CD36: variants seen among roughly 807,000 people sequenced by gnomAD.
CD36 encodes platelet glycoprotein 4.
In CD36, 119 loss-of-function variants were observed where a neutral mutation model predicts 55.2. The ratio of observed to expected loss-of-function variants is 2.15; its 90% CI spans 1.86 to 2.51. The LOEUF is 2.51. Among genes scored for constraint, CD36 ranks in the 30% most tolerant of loss-of-function variants. CD36 has a pLI of 0.00. For synonymous variants in CD36, 186 were observed against 193.6 expected, an observed-to-expected ratio of 0.96 and a Z score of 0.33; for missense variants, 819 against 555.5, an observed-to-expected ratio of 1.47 and a Z score of -4.77.
chr7:80,641,739 A>G (rs1356331575), intron 1 of CD36, among the ~76,000 whole-genome samples: 2 of 152,070 alleles, frequency 1.3e-5, no homozygotes, highest in Non-Finnish European at 2.9e-5. Flanking sequence ...AAGGGAACAC[A>G]GCTTTATAAA....
chr7:80,637,205 A>C (rs1794479644), upstream of CD36, among the ~76,000 whole-genome samples: 1 of 152,038 alleles, frequency 6.6e-6, no homozygotes, highest in African/African-American at 2.4e-5. Context: ...GTGAGAATTA[A>C]GGTTGAGAAA....
chr7:80,639,122 T>C (rs1195512009), intron 1 of CD36, among the ~76,000 whole-genome samples: 1 of 151,964 alleles, frequency 6.6e-6, no homozygotes, highest in Non-Finnish European at 1.5e-5. Flanking sequence ...TATAATGAGG[T>C]TAGATGTTAT....
chr7:80,669,861 C>T (rs147633405), intron 8 of CD36, 92 bp from the exon 9 acceptor site: 2 of 874,488 alleles, frequency 2.3e-6, no homozygotes, highest in Non-Finnish European at 3.9e-6. Context: ...GTTTGCATTA[C>T]ATTTCTATGG....
Position 80,672,861 on chromosome 7 carries a change from G to T in CD36, c.1199+18G>T, listed in dbSNP as rs1797842904. ...AAAATTCAGTGAGTCTCTTGAAAAT[G>T]GTTATTTTGATATGATCTGTAGTAT... On this transcript the variant is annotated intron_variant, in intron 12 of 14. Transcript: ENST00000447544. 6.4e-7 allele frequency: 1 copy of T among 1,552,374 alleles called. No homozygotes were observed. The highest frequency in any genetic ancestry group is 2.3e-5 in the East Asian group (1 of 44,184).
intron 1 of CD36, among the ~76,000 whole-genome samples, chr7:80,608,616 T>G (rs1000297566): frequency 1.3e-5 from 2 of 152,206 alleles, no homozygotes; most frequent in Non-Finnish European, 2.9e-5. Flanking sequence ...ATTTTACAAA[T>G]GAGTAAACAG....
chr7:80,624,010 A>T (rs551345068), intron 1 of CD36: 1 of 152,304 alleles, frequency 6.6e-6, no homozygotes, highest in South Asian at 2.1e-4. Flanking sequence ...GTCAATCAAA[A>T]TTCCACAGCC....
chr7:80,616,828 A>G (rs11971793), intron 1 of CD36, among the ~76,000 whole-genome samples: 18,130 of 152,100 alleles, frequency 0.12, 1,517 homozygotes, highest in East Asian at 0.34. Context: ...GATTGTAAGG[A>G]TCATGTCTTT....
intron 1 of CD36, among the ~76,000 whole-genome samples, chr7:80,639,035 T>C (rs548839329): frequency 5.3e-5 from 8 of 152,204 alleles, no homozygotes; most frequent in Non-Finnish European, 1.2e-4. Context: ...ATTTGGATTA[T>C]TATAAAACTT....
chr7:80,674,596 A>G (rs951672094), intron 14 of CD36, among the ~76,000 whole-genome samples: 8 of 152,214 alleles, frequency 5.3e-5, no homozygotes, highest in African/African-American at 1.7e-4. Context: ...GTATCAGGAA[A>G]TAGGGGAAAA....
rs3807090 is a variant in CD36, at chr7:80,650,020, G to C, written c.120+3160G>C. Among the ~76,000 whole-genome samples, 1,222 of 152,090 alleles carry C rather than the reference G, an allele frequency of 8.0e-3. 62 individuals carry two copies. In the East Asian group the frequency reaches 0.1, roughly 13 times the overall value. ...TTTGAGTAGGGTAATAAAGAAGGGG[G>C]AATTAAATCAATGGAGTGCTTTTCC... On this transcript the variant is annotated intron_variant, in intron 3 of 14. Coordinates refer to ENST00000447544, the MANE Select transcript of CD36 (RefSeq NM_001001548.3).
chr7:80,656,859 TAAGAA>T (rs745746359), intron 4 of CD36, among the ~76,000 whole-genome samples, 159 bp downstream of exon 4: 2 of 152,064 alleles, frequency 1.3e-5, no homozygotes, highest in Non-Finnish European at 2.9e-5. Context: ...AATCCTAATC[TAAGAA>T]TTTAATGATT....
chr7:80,673,326 T>TTCATAATTA, intron 12 of CD36, 29 bp from the exon 13 acceptor site: 1 of 1,018,354 alleles, frequency 9.8e-7, no homozygotes. Flanking sequence ...AGTTTATATG[T>TTCATAATTA]TCATAATTAT....
intron 3 of CD36, among the ~76,000 whole-genome samples, chr7:80,650,216 C>T (rs1317063094): frequency 6.6e-6 from 1 of 152,052 alleles, no homozygotes; most frequent in Non-Finnish European, 1.5e-5. Context: ...GACTAAGACT[C>T]ATCATCAGAA....
At position 80,654,880 on chromosome 7, in the gene CD36, GA is replaced by G. The variant is rs67640111; in HGVS notation, c.121-1644del. Among the ~76,000 whole-genome samples the G allele has an allele frequency of 6.9e-3, 992 of 142,848 alleles. 10 individuals carry two copies. Among genetic ancestry groups the G allele is most frequent in the African/African-American group, 0.011 (437 of 39,056 alleles). The allele number at this position is 142,848 out of a possible 152,430, so 93.7% of individuals were successfully genotyped here. On this transcript the variant is annotated intron_variant, in intron 3 of 14. Transcript: ENST00000447544. ...TACCAACTAAGTGCAGAGGGTGACG[GA>G]AAAAAAAAAAAAAAAGACAGTCATA... is the stretch of plus-strand genomic sequence containing the variant.
At chr7:80,614,570 A>T (rs939896774) in intron 1 of CD36, among the ~76,000 whole-genome samples, 4 of 152,076 alleles carry the variant, frequency 2.6e-5, no homozygotes, top group African/African-American at 9.7e-5. Flanking sequence ...ATTTTTTTGC[A>T]GGGGTGCCCT....
intron 13 of CD36, chr7:80,673,638 T>C (rs1244426223): frequency 5.3e-6 from 3 of 564,318 alleles, no homozygotes; most frequent in Non-Finnish European, 9.5e-6. Flanking sequence ...TTTCTTGTTG[T>C]AACATTTGTC....
chr7:80,656,792 GT>G, intron 4 of CD36, 92 bp downstream of exon 4: 1 of 1,148,686 alleles, frequency 8.7e-7, no homozygotes, highest in Non-Finnish European at 1.3e-6. Context: ...GTATTGAAAT[GT>G]ACTTATTATT....
intron 1 of CD36, among the ~76,000 whole-genome samples, chr7:80,613,682 TG>T (rs1792997280): frequency 1.3e-5 from 2 of 152,090 alleles, no homozygotes; most frequent in Admixed American, 6.5e-5. Flanking sequence ...GAGAGATGCT[TG>T]TCAGGGGCCT....
chr7:80,642,598 GTATGAT>G (rs140050667), intron 1 of CD36, among the ~76,000 whole-genome samples: 1,745 of 152,220 alleles, frequency 0.011, 37 homozygotes, highest in African/African-American at 0.04. Context: ...TAAGGATAGA[GTATGAT>G]TATAATAACA....
Sources: allele counts gnomAD v4.1 joint callset (sites outside exome capture counted in the v4.1 genomes callset), GRCh38; gene constraint gnomAD v4.1.1; transcripts MANE v1.5; gene names NCBI Gene and HGNC (gene_info 2026-07-23, HGNC 2026-07-21).